Variants in GRIK4 observed in about 807,000 individuals in gnomAD.
GRIK4 encodes the protein glutamate ionotropic receptor kainate type subunit 4.
In GRIK4, 40 loss-of-function variants were observed where a neutral mutation model predicts 104.9. The ratio of observed to expected loss-of-function variants is 0.38; its 90% CI spans 0.30 to 0.50. The LOEUF (loss-of-function observed/expected upper bound fraction) is 0.50, where lower values mean the gene tolerates loss of function less well. GRIK4 is among the 20% of genes least tolerant of loss of function. The probability of loss-of-function intolerance (pLI) is 0.93; values close to 1 mark genes in which losing one functional copy is unlikely to be tolerated. For synonymous variants in GRIK4, 485 were observed against 524.9 expected (o/e 0.92, Z 1.04); for missense variants, 1,047 against 1,308.1 (o/e 0.80, Z 3.08).
chr11:120,627,083 G>C (rs1191160738), intron 1 of GRIK4, among the ~76,000 whole-genome samples: 1 of 152,118 alleles, frequency 6.6e-6, no homozygotes, highest in Non-Finnish European at 1.5e-5. Context: ...TGAGAGCCCC[G>C]GTCTGTGTGT....
chr11:120,920,641 G>A (rs1037384405), intron 13 of GRIK4, among the ~76,000 whole-genome samples: 1 of 151,680 alleles, frequency 6.6e-6, no homozygotes, highest in South Asian at 2.1e-4. Flanking sequence ...CAGGAGGTGG[G>A]GGTGTCTGAG....
At position 120,557,997 on chromosome 11, in the gene GRIK4, G is replaced by A. The variant is rs182917960; in HGVS notation, c.-159+46110G>A. ...TGGGCCACTGCAGTCCAGCCTGGGCGACAGAGCGAGACTCCGTCTCAAAAA... is the reference window on the plus strand; with the variant it reads ...TGGGCCACTGCAGTCCAGCCTGGGCAACAGAGCGAGACTCCGTCTCAAAAA... On this transcript the variant is annotated intron_variant, in intron 1 of 20. Transcript: ENST00000527524. 7.8e-3 allele frequency among the ~76,000 whole-genome samples: 1,009 copies of A among 128,742 alleles called. 12 individuals are homozygous for A. The highest frequency in any genetic ancestry group is 0.028 in the African/African-American group (966 of 34,130). 84.5% of individuals were successfully genotyped at this position (128,742 alleles called of 152,430 possible). A position where few individuals can be genotyped will look rare whatever the true frequency, so the allele number is the denominator to read the frequency against.
At chr11:120,800,179 AT>A (rs1227597772) in intron 3 of GRIK4, among the ~76,000 whole-genome samples, 1 of 151,836 alleles carries the variant, frequency 6.6e-6, no homozygotes, top group African/African-American at 2.4e-5. Context: ...ATAGCAAAAC[AT>A]TTTTTCCCAC....
chr11:120,599,995 G>A (rs367624091), intron 1 of GRIK4, among the ~76,000 whole-genome samples: 1 of 152,242 alleles, frequency 6.6e-6, no homozygotes, highest in African/African-American at 2.4e-5. Context: ...GCTGGCATGA[G>A]CACCTAGCAT....
At chr11:120,826,151 T>A (rs1953253224) in intron 6 of GRIK4, among the ~76,000 whole-genome samples, 1 of 152,220 alleles carries the variant, frequency 6.6e-6, no homozygotes, top group Admixed American at 6.5e-5. Context: ...GATAACCGTA[T>A]AAGATGGGCT....
At chr11:120,615,432 G>T (rs571819950) in intron 1 of GRIK4, among the ~76,000 whole-genome samples, 5 of 152,308 alleles carry the variant, frequency 3.3e-5, no homozygotes, top group African/African-American at 9.6e-5. Flanking sequence ...GGATTGAAGG[G>T]TACCTGGGCC....
At chr11:120,914,379 T>C (rs1943062483) in intron 13 of GRIK4, among the ~76,000 whole-genome samples, 1 of 152,148 alleles carries the variant, frequency 6.6e-6, no homozygotes, top group Non-Finnish European at 1.5e-5. Flanking sequence ...AATAACTGAA[T>C]GTGGCAGGTG....
intron 4 of GRIK4, among the ~76,000 whole-genome samples, chr11:120,803,319 C>A (rs1952656025): frequency 6.6e-6 from 1 of 152,212 alleles, no homozygotes; most frequent in African/African-American, 2.4e-5. Flanking sequence ...TGGGTAACCT[C>A]AGATAAGTCA....
intron 1 of GRIK4, among the ~76,000 whole-genome samples, chr11:120,639,505 C>G (rs913210722): frequency 1.3e-5 from 2 of 152,210 alleles, no homozygotes; most frequent in Admixed American, 6.5e-5. Flanking sequence ...TCCCCTGTCT[C>G]GCAGTCTCTC....
intron 3 of GRIK4, among the ~76,000 whole-genome samples, chr11:120,711,000 G>GGGC (rs1002646674): frequency 5.3e-5 from 8 of 149,980 alleles, no homozygotes; most frequent in Non-Finnish European, 1.2e-4. Context: ...TGTGAGGTGG[G>GGGC]GAGGGGGTGT....
At chr11:120,887,207 A>G (rs1029049073) in intron 11 of GRIK4, among the ~76,000 whole-genome samples, 19 of 152,156 alleles carry the variant, frequency 1.2e-4, no homozygotes, top group Non-Finnish European at 2.6e-4. Context: ...GTTTTGTGGC[A>G]GATTGGAGAG....
intron 9 of GRIK4, chr11:120,871,166 A>G (rs1433504550): frequency 1.2e-5 from 2 of 161,014 alleles, no homozygotes; most frequent in Admixed American, 1.2e-4. Context: ...GGTTTATAGC[A>G]TCATTTAAAT....
At chr11:120,747,834 G>A (rs1417156929) in intron 3 of GRIK4, among the ~76,000 whole-genome samples, 3 of 152,184 alleles carry the variant, frequency 2.0e-5, no homozygotes, top group Admixed American at 6.5e-5. Flanking sequence ...TTGCGTGTGC[G>A]TGGCTACGCA....
intron 3 of GRIK4, among the ~76,000 whole-genome samples, chr11:120,788,148 T>G (rs1454337141): frequency 6.6e-6 from 1 of 152,032 alleles, no homozygotes; most frequent in Non-Finnish European, 1.5e-5. Flanking sequence ...GGATTACAGG[T>G]GTGAGCCACC....
intron 3 of GRIK4, among the ~76,000 whole-genome samples, chr11:120,790,351 A>G (rs1314390237): frequency 6.6e-6 from 1 of 152,198 alleles, no homozygotes; most frequent in Non-Finnish European, 1.5e-5. Flanking sequence ...AATGGTGCAC[A>G]CAATAAGTGC....
At chr11:120,550,039 A>G (rs904889663) in intron 1 of GRIK4, among the ~76,000 whole-genome samples, 1 of 152,090 alleles carries the variant, frequency 6.6e-6, no homozygotes, top group Non-Finnish European at 1.5e-5. Context: ...GAGGGATCCC[A>G]TGGTCTGATT....
intron 13 of GRIK4, among the ~76,000 whole-genome samples, chr11:120,919,173 G>A (rs755956765): frequency 2.0e-5 from 3 of 152,002 alleles, no homozygotes; most frequent in Non-Finnish European, 4.4e-5. Flanking sequence ...GAGAGTTGCC[G>A]GCAGAGGGAA....
intron 3 of GRIK4, among the ~76,000 whole-genome samples, chr11:120,742,085 C>A (rs2135409737): frequency 6.6e-6 from 1 of 152,260 alleles, no homozygotes. Flanking sequence ...GTGGCTCATG[C>A]CTGTAATCCC....
At chr11:120,854,921 A>G (rs753183651) in intron 8 of GRIK4, among the ~76,000 whole-genome samples, 1 of 152,218 alleles carries the variant, frequency 6.6e-6, no homozygotes, top group Non-Finnish European at 1.5e-5. Context: ...CAAAATACCC[A>G]AAGACAGTGT....
Sources: allele counts gnomAD v4.1 joint callset (sites outside exome capture counted in the v4.1 genomes callset), GRCh38; gene constraint gnomAD v4.1.1; transcripts MANE v1.5; gene names NCBI Gene and HGNC (gene_info 2026-07-23, HGNC 2026-07-21).